CFAP20DC: variants seen among roughly 807,000 people sequenced by gnomAD.
CFAP20DC encodes protein CFAP20DC.
In CFAP20DC, 84 loss-of-function variants were observed where a neutral mutation model predicts 101.7. The ratio of observed to expected loss-of-function variants is 0.83; its 90% CI spans 0.69 to 0.99. The LOEUF is 0.99. Among genes scored for constraint, CFAP20DC ranks in the 50% least tolerant of loss-of-function variants. The probability of loss-of-function intolerance (pLI) is 0.00; values close to 1 mark genes in which losing one functional copy is unlikely to be tolerated. For synonymous variants in CFAP20DC, 359 were observed against 351.2 expected, an observed-to-expected ratio of 1.02 and a Z score of -0.25; for missense variants, 1,007 against 970.3, an observed-to-expected ratio of 1.04 and a Z score of -0.50.
At chr3:58,813,826 C>A (rs2074881097) in intron 14 of CFAP20DC, among the ~76,000 whole-genome samples, 1 of 151,804 alleles carries the variant, frequency 6.6e-6, no homozygotes, top group African/African-American at 2.4e-5. Flanking sequence ...ATCACCATTT[C>A]AGTAATAAGA....
In CFAP20DC at chr3:58,795,905, GA is replaced by G. The variant is rs2073204327; in HGVS notation, c.2237+10489del. Among the ~76,000 whole-genome samples the G allele has an allele frequency of 6.6e-6, 1 of 152,192 alleles. No individual in the cohort carries two copies. Among genetic ancestry groups the G allele is most frequent in the Non-Finnish European group, 1.5e-5 (1 of 68,028 alleles). On this transcript the variant is annotated intron_variant, in intron 15 of 16. Coordinates refer to ENST00000482387, the MANE Select transcript of CFAP20DC (RefSeq NM_001394063.1). The surrounding 1 kb of genome is among the most constrained non-coding windows in gnomAD (Gnocchi z 4.2). The stretch of plus-strand genomic sequence containing the variant: ...GTGGAAGTCCCAGTGGCCCAAAAGA[GA>G]CCTGGTCAGAGAGGAGGCAGGTGTC...
chr3:58,913,808 T>C lies in CFAP20DC; in HGVS notation c.450A>G (p.Ala150=). The C allele has an allele frequency of 2.5e-6, 4 of 1,613,714 alleles. No homozygotes were observed. Among genetic ancestry groups the C allele is most frequent in the Non-Finnish European group, 3.4e-6 (4 of 1,179,774 alleles). ...VAFTSEIFKG[A]VFQSLDGIVV... is the part of the protein sequence containing the mutation. ...CAATTCCATCCAATGACTGGAAAAC[T>C]GCCCCCTTGAATATTTCACTGGTGA... The change falls in exon 6 of 17, where the codon GCA becomes GCG. Residue 150 remains alanine (A), a synonymous_variant. Transcript: ENST00000482387. This position sits in a 1 kb window ranked among gnomAD's most constrained non-coding sequence, Gnocchi z 4.4.
At chr3:58,739,165 T>C (rs1039052499), downstream of CFAP20DC, among the ~76,000 whole-genome samples, 1 of 152,210 alleles carries the variant, frequency 6.6e-6, no homozygotes. Flanking sequence ...GTTAAATTAA[T>C]TGGAGATAGC....
intron 12 of CFAP20DC, among the ~76,000 whole-genome samples, chr3:58,849,758 G>A (rs1329762583): frequency 1.3e-5 from 2 of 152,022 alleles, no homozygotes; most frequent in South Asian, 2.1e-4. Flanking sequence ...TCTAAGAATC[G>A]TATACTTTGA....
chr3:58,820,025 G>A (rs1237473148), intron 14 of CFAP20DC, among the ~76,000 whole-genome samples: 7 of 147,472 alleles, frequency 4.7e-5, no homozygotes, highest in Non-Finnish European at 1.0e-4. Flanking sequence ...CATATAAACA[G>A]AGCCAAAGAC....
At chr3:58,719,579 C>G (rs1467877807) in intron 3 of CFAP20DC, among the ~76,000 whole-genome samples, 3 of 152,200 alleles carry the variant, frequency 2.0e-5, no homozygotes, top group African/African-American at 4.8e-5. Flanking sequence ...GGAAATAGCA[C>G]TATTTGATAA....
intron 14 of CFAP20DC, among the ~76,000 whole-genome samples, chr3:58,812,186 C>A (rs2074700276): frequency 6.6e-6 from 1 of 152,018 alleles, no homozygotes; most frequent in African/African-American, 2.4e-5. Context: ...ACCATTTGAC[C>A]CAGCCATCCC....
intron 4 of CFAP20DC, among the ~76,000 whole-genome samples, chr3:58,969,939 T>A (rs551700787): frequency 3.9e-5 from 6 of 152,172 alleles, no homozygotes; most frequent in Non-Finnish European, 8.8e-5. Context: ...AATTACATAG[T>A]GGTGGTGGTT....
Position 58,721,124 on chromosome 3 carries a change from C to T in CFAP20DC, c.198-3496G>A, listed in dbSNP as rs2067467388. Among the ~76,000 whole-genome samples, 1 of 152,208 alleles carries T rather than the reference C, an allele frequency of 6.6e-6. No individual in the cohort carries two copies. Among genetic ancestry groups the T allele is most frequent in the Non-Finnish European group, 1.5e-5 (1 of 68,044 alleles). ...GGTTTATCTGTTTATCCTCTGTCTC[C>T]CCATCCACATGTGAATTCCAAGATG... On this transcript the variant is annotated intron_variant, in intron 3 of 3. Transcript: ENST00000486145. The surrounding 1 kb of genome is among the most constrained non-coding windows in gnomAD (Gnocchi z 5.2).
intron 5 of CFAP20DC, among the ~76,000 whole-genome samples, chr3:58,919,909 T>C (rs935732843): frequency 6.6e-6 from 1 of 152,076 alleles, no homozygotes; most frequent in Non-Finnish European, 1.5e-5. Context: ...TTTTTATAGA[T>C]TCCTTAGAAT....
At chr3:58,826,664 A>G (rs1346451772) in intron 14 of CFAP20DC, among the ~76,000 whole-genome samples, 1 of 152,196 alleles carries the variant, frequency 6.6e-6, no homozygotes, top group African/African-American at 2.4e-5. Context: ...TTTTAAAAAT[A>G]TTATTGATTG....
At chr3:58,790,872 T>C (rs2072787707) in intron 15 of CFAP20DC, among the ~76,000 whole-genome samples, 1 of 152,110 alleles carries the variant, frequency 6.6e-6, no homozygotes, top group Middle Eastern at 3.4e-3. Flanking sequence ...AGTGAGAAAA[T>C]GTGAGACTAG....
At chr3:58,726,972 C>T in intron 3 of CFAP20DC, 1 of 251,130 alleles carries the variant, frequency 4.0e-6, no homozygotes, top group Non-Finnish European at 8.0e-6. Context: ...CGACCCATCC[C>T]TTCCACTCAC....
chr3:58,916,925 A>G (rs1025751345), intron 5 of CFAP20DC, among the ~76,000 whole-genome samples: 3 of 152,096 alleles, frequency 2.0e-5, no homozygotes, highest in Non-Finnish European at 4.4e-5. Context: ...ATAAAATATT[A>G]TTTTCAATAT....
intron 4 of CFAP20DC, among the ~76,000 whole-genome samples, chr3:58,979,115 A>G (rs2108473006): frequency 6.6e-6 from 1 of 152,284 alleles, no homozygotes; most frequent in South Asian, 2.1e-4. Context: ...TGACTAGATG[A>G]TATGTTCTGT....
At chr3:58,939,999 T>A (rs2088303059) in intron 4 of CFAP20DC, among the ~76,000 whole-genome samples, 1 of 152,112 alleles carries the variant, frequency 6.6e-6, no homozygotes, top group Non-Finnish European at 1.5e-5. Context: ...ACTACTGACC[T>A]CAGGTGATCG....
chr3:58,863,981 A>C lies in CFAP20DC; in HGVS notation c.1259-89T>G. On this transcript the variant is annotated intron_variant, in intron 11 of 16. Coordinates refer to ENST00000482387, the MANE Select transcript of CFAP20DC (RefSeq NM_001394063.1). This position sits in a 1 kb window ranked among gnomAD's most constrained non-coding sequence, Gnocchi z 5.9. ...TTTATTTTTAGTTTTAGTTTTTGAGACAGTCTCACTCTGCCGCCTAGGCTG... is the reference window on the plus strand; with the variant it reads ...TTTATTTTTAGTTTTAGTTTTTGAGCCAGTCTCACTCTGCCGCCTAGGCTG... 7.8e-7 allele frequency: 1 copy of C among 1,285,872 alleles called. No homozygotes were observed. The highest frequency in any genetic ancestry group is 1.0e-6 in the Non-Finnish European group (1 of 964,856). 79.7% of individuals were successfully genotyped at this position (1,285,872 alleles called of 1,614,324 possible). A position where few individuals can be genotyped will look rare whatever the true frequency, so the allele number is the denominator to read the frequency against.
intron 15 of CFAP20DC, among the ~76,000 whole-genome samples, chr3:58,792,868 A>C (rs1001983725): frequency 6.6e-6 from 1 of 152,092 alleles, no homozygotes; most frequent in African/African-American, 2.4e-5. Context: ...TGCTTGAAGA[A>C]AAAGTACATG....
chr3:58,856,744 A>G lies in CFAP20DC; in HGVS notation c.1593+6814T>C, dbSNP rs9311688. On this transcript the variant is annotated intron_variant, in intron 12 of 16. Coordinates refer to ENST00000482387, the MANE Select transcript of CFAP20DC (RefSeq NM_001394063.1). ...GTCTAGAGAAGATGGTAAACAAAAA[A>G]TAGAGTAAACATTCCCCAAGTCCTA... is the stretch of plus-strand genomic sequence containing the variant. Among the ~76,000 whole-genome samples, 585 of 152,362 alleles carry G rather than the reference A, an allele frequency of 3.8e-3. 4 individuals carry two copies. Among genetic ancestry groups the G allele is most frequent in the African/African-American group, 0.013 (560 of 41,590 alleles).
Sources: allele counts gnomAD v4.1 joint callset (sites outside exome capture counted in the v4.1 genomes callset), GRCh38; gene constraint gnomAD v4.1.1; non-coding constraint Gnocchi (gnomAD v3.1); transcripts MANE v1.5; gene names NCBI Gene and HGNC (gene_info 2026-07-23, HGNC 2026-07-21).